PRKN: variants seen among roughly 807,000 people sequenced by gnomAD.
PRKN encodes parkin RBR E3 ubiquitin protein ligase.
PRKN carries 56 observed loss-of-function variants against 59.5 expected under a neutral mutation model. That is an observed-to-expected ratio of 0.94 (90% CI 0.76 to 1.18). PRKN has a LOEUF of 1.18. PRKN is among the 50% of genes most tolerant of loss of function. The pLI, the probability that PRKN is intolerant of heterozygous loss-of-function variation, is 0.00. For missense variants in PRKN, 657 were observed against 596.4 expected, an observed-to-expected ratio of 1.10 and a Z score of -1.06; for synonymous variants, 250 against 222.1, an observed-to-expected ratio of 1.13 and a Z score of -1.12.
chr6:162,258,058 C>G (rs1779726919), intron 3 of PRKN, among the ~76,000 whole-genome samples: 1 of 152,182 alleles, frequency 6.6e-6, no homozygotes, highest in South Asian at 2.1e-4. Context: ...GAGTTGCTGT[C>G]GCCTCTGCCA....
chr6:162,554,212 C>T (rs1055215124), intron 1 of PRKN, among the ~76,000 whole-genome samples: 4 of 152,096 alleles, frequency 2.6e-5, no homozygotes, highest in Non-Finnish European at 4.4e-5. Flanking sequence ...GCCAAGAAAA[C>T]GGACAGAATG....
In PRKN at chr6:162,389,018, AAAAAAAC is replaced by A. The variant is rs1377459992; in HGVS notation, c.171+54285_171+54291del. On this transcript the variant is annotated intron_variant, in intron 2 of 11. Coordinates refer to ENST00000366898, the MANE Select transcript of PRKN (RefSeq NM_004562.3). ...TTTCAGTTCCTCCAGAAAAAAAAAAAAAAAAACAAAAAAACCTGACCCTCAATTCTTA... is the reference window on the plus strand; with the variant it reads ...TTTCAGTTCCTCCAGAAAAAAAAAAAAAAAAAACCTGACCCTCAATTCTTA... Among the ~76,000 whole-genome samples, 2 of 149,326 alleles carry A rather than the reference AAAAAAAC, an allele frequency of 1.3e-5. 1 individual carries two copies. The highest frequency in any genetic ancestry group is 3.9e-4 in the East Asian group (2 of 5,172).
chr6:161,451,186 C>T lies in PRKN; in HGVS notation c.1084-64309G>A, dbSNP rs1007140802. Reference sequence around the variant, plus strand: ...CACCGCAGAAAATCATCTTGAACACCTCCCAAGGCCAATCTCCCATTGCAA... The same window carrying T: ...CACCGCAGAAAATCATCTTGAACACTTCCCAAGGCCAATCTCCCATTGCAA... On this transcript the variant is annotated intron_variant, in intron 9 of 11. Coordinates refer to ENST00000366898, the MANE Select transcript of PRKN (RefSeq NM_004562.3). The surrounding 1 kb of genome is among the most constrained non-coding windows in gnomAD (Gnocchi z 5.9). 6.6e-6 allele frequency among the ~76,000 whole-genome samples: 1 copy of T among 152,076 alleles called. No homozygotes were observed. Among genetic ancestry groups the T allele is most frequent in the Non-Finnish European group, 1.5e-5 (1 of 68,024 alleles).
At chr6:162,464,354 T>C (rs183584434) in intron 1 of PRKN, among the ~76,000 whole-genome samples, 97 of 152,262 alleles carry the variant, frequency 6.4e-4, no homozygotes, top group Middle Eastern at 3.4e-3. Flanking sequence ...TGTAATTAAG[T>C]GATAAAGATT....
At chr6:162,406,491 T>C (rs1023725372) in intron 2 of PRKN, among the ~76,000 whole-genome samples, 1 of 152,214 alleles carries the variant, frequency 6.6e-6, no homozygotes, top group Non-Finnish European at 1.5e-5. Flanking sequence ...ATTTCCTAGC[T>C]ACATTTGACC....
At chr6:161,437,061 C>G (rs956364487) in intron 9 of PRKN, among the ~76,000 whole-genome samples, 2 of 152,052 alleles carry the variant, frequency 1.3e-5, no homozygotes, top group African/African-American at 4.8e-5. Context: ...TAGTACCGAC[C>G]CTATATATGC....
At chr6:161,615,987 C>T (rs1782678559) in intron 7 of PRKN, among the ~76,000 whole-genome samples, 1 of 152,194 alleles carries the variant, frequency 6.6e-6, no homozygotes, top group South Asian at 2.1e-4. Flanking sequence ...GTAACACACA[C>T]TTCTCACCAG....
At position 161,529,209 on chromosome 6, in the gene PRKN, T is replaced by C. The variant is rs1300056768; in HGVS notation, c.1083+19645A>G. ...AAGGCAAGAGTCTCATCTTCGAATA[T>C]CTGATTTGATGAGTGATTGCTGGAA... On this transcript the variant is annotated intron_variant, in intron 9 of 11. Coordinates refer to ENST00000366898, the MANE Select transcript of PRKN (RefSeq NM_004562.3). This position sits in a 1 kb window ranked among gnomAD's most constrained non-coding sequence, Gnocchi z 4.4. Among the ~76,000 whole-genome samples the C allele has an allele frequency of 1.3e-5, 2 of 152,080 alleles. No homozygotes were observed. Among genetic ancestry groups the C allele is most frequent in the African/African-American group, 4.8e-5 (2 of 41,398 alleles).
chr6:162,193,530 T>C (rs903006211), intron 4 of PRKN, among the ~76,000 whole-genome samples: 2 of 152,324 alleles, frequency 1.3e-5, no homozygotes, highest in South Asian at 4.1e-4. Flanking sequence ...CTCTGCTCCA[T>C]GAGACCCTCA....
intron 2 of PRKN, among the ~76,000 whole-genome samples, chr6:162,412,165 G>C (rs779484333): frequency 2.6e-5 from 4 of 152,104 alleles, no homozygotes; most frequent in Non-Finnish European, 4.4e-5. Context: ...ATTTACAGTT[G>C]TTCACATTAC....
chr6:161,697,114 G>A (rs950420430), intron 7 of PRKN, among the ~76,000 whole-genome samples: 8 of 152,178 alleles, frequency 5.3e-5, no homozygotes, highest in Admixed American at 1.3e-4. Flanking sequence ...GTGTGGCTCC[G>A]TGTGAAGTAG....
intron 3 of PRKN, among the ~76,000 whole-genome samples, chr6:162,216,965 C>A (rs1310486523): frequency 6.6e-6 from 1 of 152,090 alleles, no homozygotes; most frequent in Admixed American, 6.5e-5. Context: ...GATAATTATA[C>A]CAGGTGAAGC....
intron 2 of PRKN, among the ~76,000 whole-genome samples, chr6:162,328,499 C>T (rs958229989): frequency 2.0e-5 from 3 of 152,168 alleles, no homozygotes; most frequent in Non-Finnish European, 4.4e-5. Flanking sequence ...TGTATTAGAA[C>T]TTACAAAGAT....
chr6:162,581,894 G>T lies in PRKN; in HGVS notation c.8-138421C>A, dbSNP rs1413944646. The stretch of plus-strand genomic sequence containing the variant: ...TTGGAATATAGTTATGAGAAGGCTG[G>T]TCAAAACCAAGACACAAAGGTAGAC... On this transcript the variant is annotated intron_variant, in intron 1 of 11. Coordinates refer to ENST00000366898, the MANE Select transcript of PRKN (RefSeq NM_004562.3). Among the ~76,000 whole-genome samples the T allele has an allele frequency of 3.9e-5, 6 of 152,224 alleles. No individual in the cohort carries two copies. In the East Asian group the frequency reaches 1.2e-3, roughly 29 times the overall value.
intron 1 of PRKN, among the ~76,000 whole-genome samples, chr6:162,540,685 T>TA (rs1287948906): frequency 6.6e-6 from 1 of 151,340 alleles, no homozygotes; most frequent in African/African-American, 2.4e-5. Context: ...TGGGTGCCTG[T>TA]AATCCCAGCT....
At chr6:161,805,179 T>C (rs1201791167) in intron 6 of PRKN, among the ~76,000 whole-genome samples, 4 of 152,170 alleles carry the variant, frequency 2.6e-5, no homozygotes, top group Non-Finnish European at 5.9e-5. Context: ...ACAATGTGTC[T>C]CAATTCACAG....
At chr6:162,025,594 T>TTTTTTG in intron 5 of PRKN, among the ~76,000 whole-genome samples, 1 of 129,612 alleles carries the variant, frequency 7.7e-6, no homozygotes, top group Non-Finnish European at 1.6e-5. Flanking sequence ...TTTTTTTTTT[T>TTTTTTG]TTTTTTTTTT....
rs184963895 is a variant in PRKN, at chr6:161,633,391, T to C, written c.872-63975A>G. Among the ~76,000 whole-genome samples, 28 of 152,324 alleles carry C rather than the reference T, an allele frequency of 1.8e-4. 1 individual carries two copies. The East Asian group carries it at 5.2e-3, about 28-fold the overall frequency. On this transcript the variant is annotated intron_variant, in intron 7 of 11. Transcript: ENST00000366898. ...GAGTCTACTTCACTTCATACTATAT[T>C]CCCCTTAGCAACATTGAATCCTTAA...
intron 9 of PRKN, among the ~76,000 whole-genome samples, chr6:161,431,131 T>C (rs1416971391): frequency 4.9e-5 from 5 of 102,354 alleles, no homozygotes; most frequent in Non-Finnish European, 7.9e-5. Flanking sequence ...AGAGCGAGAC[T>C]CTGTCTCAAA....
Sources: allele counts gnomAD v4.1 joint callset (sites outside exome capture counted in the v4.1 genomes callset), GRCh38; gene constraint gnomAD v4.1.1; non-coding constraint Gnocchi (gnomAD v3.1); transcripts MANE v1.5; gene names NCBI Gene and HGNC (gene_info 2026-07-23, HGNC 2026-07-21).